Variants in CBLB observed in about 807,000 individuals in gnomAD.
CBLB encodes Cbl proto-oncogene B.
In CBLB, 31 loss-of-function variants were observed where a neutral mutation model predicts 104.9. The ratio of observed to expected loss-of-function variants is 0.30; its 90% CI spans 0.22 to 0.40. The LOEUF (loss-of-function observed/expected upper bound fraction) is 0.40, where lower values mean the gene tolerates loss of function less well. CBLB is among the 10% of genes least tolerant of loss of function. The probability of loss-of-function intolerance (pLI) is 1.00; values close to 1 mark genes in which losing one functional copy is unlikely to be tolerated. For synonymous variants in CBLB, 440 were observed against 422.6 expected (o/e 1.04, Z -0.51); for missense variants, 1,062 against 1,214.6 (o/e 0.87, Z 1.87).
rs2083103824 is a variant in CBLB, at chr3:105,803,211, G to A, written c.420-26669C>T. Among the ~76,000 whole-genome samples the A allele has an allele frequency of 2.0e-5, 3 of 152,196 alleles. No homozygotes were observed. The South Asian group carries it at 6.2e-4, about 31-fold the overall frequency. On this transcript the variant is annotated intron_variant, in intron 3 of 18. Transcript: ENST00000394030. The stretch of plus-strand genomic sequence containing the variant: ...ATTTTTAGTTGTGATAATTACCCAA[G>A]AGATTCAGAATACACAATTTGTAGA...
chr3:105,780,656 T>G (rs995127467), intron 3 of CBLB, among the ~76,000 whole-genome samples: 14 of 93,600 alleles, frequency 1.5e-4, no homozygotes, highest in Non-Finnish European at 2.3e-4. Context: ...AAGTTTTGTT[T>G]TTTGTTTTTT....
chr3:105,705,982 A>AT (rs2070068015), intron 10 of CBLB, among the ~76,000 whole-genome samples: 1 of 151,774 alleles, frequency 6.6e-6, no homozygotes, highest in Admixed American at 6.6e-5. Context: ...CTAATTTTTT[A>AT]TTTTTTTTAA....
Position 105,658,347 on chromosome 3 carries a change from T to C in CBLB, c.*623A>G, listed in dbSNP as rs139936601. The C allele has an allele frequency of 4.5e-6, 1 of 222,760 alleles. No individual in the cohort carries two copies. Among genetic ancestry groups the C allele is most frequent in the African/African-American group, 2.2e-5 (1 of 44,860 alleles). 13.8% of individuals were successfully genotyped at this position (222,760 alleles called of 1,614,324 possible). Reference sequence around the variant, plus strand: ...CATTCAGGTTTTTCCCATCTCTCAATAGTGATGGTTTCCAAAGAAGAAACT... The same window carrying C: ...CATTCAGGTTTTTCCCATCTCTCAACAGTGATGGTTTCCAAAGAAGAAACT... On this transcript the variant is annotated 3_prime_UTR_variant, in exon 19 of 19. Coordinates refer to ENST00000394030, the MANE Select transcript of CBLB (RefSeq NM_170662.5).
intron 14 of CBLB, among the ~76,000 whole-genome samples, chr3:105,684,143 T>A (rs982949664): frequency 2.0e-5 from 3 of 152,112 alleles, no homozygotes; most frequent in African/African-American, 7.2e-5. Context: ...ATGACTGAAG[T>A]AATTGCCATC....
intron 3 of CBLB, among the ~76,000 whole-genome samples, chr3:105,777,488 C>A (rs888818056): frequency 6.6e-6 from 1 of 152,056 alleles, no homozygotes; most frequent in African/African-American, 2.4e-5. Context: ...ATAAGCAGGG[C>A]GTGGGAGCGC....
chr3:105,812,083 T>C (rs1252262425), intron 3 of CBLB, among the ~76,000 whole-genome samples: 3 of 152,194 alleles, frequency 2.0e-5, no homozygotes, highest in Non-Finnish European at 4.4e-5. Context: ...TTAACTTACC[T>C]GTCAATGACT....
rs1044816702 is a variant in CBLB, at chr3:105,656,451, C to G, written c.*2519G>C. The G allele has an allele frequency of 5.2e-6, 1 of 193,246 alleles. No homozygotes were observed. Among genetic ancestry groups the G allele is most frequent in the African/African-American group, 2.3e-5 (1 of 43,040 alleles). The allele number at this position is 193,246 out of a possible 1,614,324, so 12.0% of individuals were successfully genotyped here. On this transcript the variant is annotated 3_prime_UTR_variant, in exon 19 of 19. Transcript: ENST00000394030. ...TCATAGGTGATAGATAGCAATGGGT[C>G]TTTCTTGACAGTGTTTAATAGAAAG...
At chr3:105,854,756 C>T (rs1479986314) in intron 2 of CBLB, among the ~76,000 whole-genome samples, 2 of 152,076 alleles carry the variant, frequency 1.3e-5, no homozygotes, top group Admixed American at 1.3e-4. Context: ...CCTCAGCCTC[C>T]CAAGTAGCTG....
chr3:105,722,931 T>C (rs1177460024), intron 9 of CBLB, among the ~76,000 whole-genome samples: 2 of 152,338 alleles, frequency 1.3e-5, no homozygotes, highest in Admixed American at 1.3e-4. Context: ...GTGCCTGTTA[T>C]AAGAGTAGAT....
At chr3:105,697,355 ATT>A (rs1183460090) in intron 12 of CBLB, among the ~76,000 whole-genome samples, 1 of 152,036 alleles carries the variant, frequency 6.6e-6, no homozygotes, top group Non-Finnish European at 1.5e-5. Context: ...TGATTCAGAT[ATT>A]GTTTAAAAAC....
chr3:105,814,607 T>C (rs201621004), intron 3 of CBLB, among the ~76,000 whole-genome samples: 3 of 8,760 alleles, frequency 3.4e-4, no homozygotes, highest in African/African-American at 3.8e-4. Context: ...AAATCACTCT[T>C]GTGTCCATTC....
At chr3:105,719,471 T>C (rs2072444361) in intron 10 of CBLB, among the ~76,000 whole-genome samples, 1 of 152,202 alleles carries the variant, frequency 6.6e-6, no homozygotes, top group Non-Finnish European at 1.5e-5. Context: ...ATCATGGTGA[T>C]CCTATAAGAT....
chr3:105,706,390 G>A (rs1310029665), intron 10 of CBLB, among the ~76,000 whole-genome samples: 1 of 151,960 alleles, frequency 6.6e-6, no homozygotes, highest in African/African-American at 2.4e-5. Context: ...AAATTCAATT[G>A]TCACTGAAGG....
intron 3 of CBLB, among the ~76,000 whole-genome samples, chr3:105,777,220 C>G (rs893657291): frequency 6.6e-6 from 1 of 152,210 alleles, no homozygotes; most frequent in Non-Finnish European, 1.5e-5. Context: ...TTTTGTTATA[C>G]ATGCTTGCCA....
At chr3:105,698,605 C>CAAAAAAAAAAAAAAA in intron 12 of CBLB, among the ~76,000 whole-genome samples, 1 of 80,818 alleles carries the variant, frequency 1.2e-5, no homozygotes, top group Non-Finnish European at 2.4e-5. Flanking sequence ...ACCATTTGAC[C>CAAAAAAAAAAAAAAA]AAAAAAAAAA....
At chr3:105,710,522 G>A (rs1042691240) in intron 10 of CBLB, among the ~76,000 whole-genome samples, 6 of 151,682 alleles carry the variant, frequency 4.0e-5, no homozygotes, top group Non-Finnish European at 5.9e-5. Context: ...TTGATTTTAG[G>A]TGATTCTCAC....
intron 10 of CBLB, among the ~76,000 whole-genome samples, chr3:105,704,868 T>C (rs1241161187): frequency 6.6e-6 from 1 of 152,144 alleles, no homozygotes; most frequent in African/African-American, 2.4e-5. Context: ...GAAAAGCCAG[T>C]AAGTATTTCA....
intron 3 of CBLB, among the ~76,000 whole-genome samples, chr3:105,776,888 G>A (rs1247926892): frequency 6.6e-6 from 1 of 152,062 alleles, no homozygotes; most frequent in Non-Finnish European, 1.5e-5. Flanking sequence ...ATAAAAGAGA[G>A]AGTGACTATT....
chr3:105,776,386 T>G lies in CBLB; in HGVS notation c.566+10A>C. The G allele has an allele frequency of 1.2e-6, 2 of 1,612,502 alleles. No homozygotes were observed. Among genetic ancestry groups the G allele is most frequent in the African/African-American group, 2.7e-5 (2 of 74,998 alleles). On this transcript the variant is annotated intron_variant, in intron 4 of 18. Transcript: ENST00000394030. ...ATAGATCCACAGCTATAAAAATGAT[T>G]TTTACTTACTTGTCTCCAAAAAACT...
Sources: gnomAD v4.1 joint callset for allele counts (sites outside exome capture counted in the v4.1 genomes callset) on GRCh38, gnomAD v4.1.1 for gene constraint, MANE v1.5 for transcripts, NCBI Gene and HGNC (gene_info 2026-07-23, HGNC 2026-07-21) for gene names.